Variants in EPSTI1 observed in about 807,000 individuals in gnomAD.
EPSTI1 encodes the protein epithelial-stromal interaction protein 1.
A neutral mutation model predicts 49.9 loss-of-function variants in EPSTI1; 66 were observed. The ratio of observed to expected loss-of-function variants is 1.32; its 90% CI spans 1.08 to 1.62. The LOEUF is 1.62. Ranked by LOEUF, EPSTI1 falls within the 40% of genes most tolerant of loss-of-function variation. The probability of loss-of-function intolerance (pLI) is 0.00; values close to 1 mark genes in which losing one functional copy is unlikely to be tolerated. For synonymous variants in EPSTI1, 137 were observed against 130.7 expected, an observed-to-expected ratio of 1.05 and a Z score of -0.33; for missense variants, 394 against 365.5, an observed-to-expected ratio of 1.08 and a Z score of -0.64.
chr13:42,972,760 G>T (rs2039796329), intron 1 of EPSTI1, among the ~76,000 whole-genome samples: 1 of 152,088 alleles, frequency 6.6e-6, no homozygotes, highest in Non-Finnish European at 1.5e-5. Context: ...CACTTTAACA[G>T]AACTTACACT....
intron 5 of EPSTI1, 92 bp downstream of exon 5, chr13:42,963,163 G>T: frequency 9.8e-7 from 1 of 1,020,720 alleles, no homozygotes; most frequent in Non-Finnish European, 1.5e-6. Context: ...GAGAAAGATG[G>T]ATAAATTTTT....
At chr13:42,947,798 C>T (rs1566145687) in intron 6 of EPSTI1, among the ~76,000 whole-genome samples, 1 of 152,196 alleles carries the variant, frequency 6.6e-6, no homozygotes, top group African/African-American at 2.4e-5. Flanking sequence ...GGCTTATCTC[C>T]TACTGTTTCT....
rs1423763804 is a variant in EPSTI1, at chr13:42,987,974, G to T, written c.188+4004C>A. ...ACGAAGTAGGCCACAAAAATGTTAA[G>T]ATTAACATAATTTACATACAAATTC... is the stretch of plus-strand genomic sequence containing the variant. On this transcript the variant is annotated intron_variant, in intron 1 of 10. Coordinates refer to ENST00000313624, the MANE Select transcript of EPSTI1 (RefSeq NM_033255.5). 2.6e-5 allele frequency among the ~76,000 whole-genome samples: 4 copies of T among 152,112 alleles called. No homozygotes were observed. In the East Asian group the frequency reaches 7.7e-4, roughly 29 times the overall value.
At chr13:42,968,992 CA>C in intron 3 of EPSTI1, 101 bp downstream of exon 3, 1 of 1,096,956 alleles carries the variant, frequency 9.1e-7, no homozygotes, top group Non-Finnish European at 1.3e-6. Context: ...AATGACCAAA[CA>C]AACTACAATG....
At chr13:42,941,662 A>G (rs532701541) in intron 6 of EPSTI1, among the ~76,000 whole-genome samples, 37 of 150,730 alleles carry the variant, frequency 2.5e-4, no homozygotes, top group African/African-American at 8.5e-4. Context: ...AACAGACTAT[A>G]ATTTCATATT....
chr13:42,987,233 G>A (rs564305376), intron 1 of EPSTI1, among the ~76,000 whole-genome samples: 139 of 152,144 alleles, frequency 9.1e-4, no homozygotes, highest in African/African-American at 3.3e-3. Flanking sequence ...TTGTGGGACT[G>A]AGCCCTTAAT....
At chr13:42,902,014 G>A (rs577110026) in intron 8 of EPSTI1, among the ~76,000 whole-genome samples, 10 of 150,518 alleles carry the variant, frequency 6.6e-5, no homozygotes, top group Admixed American at 2.7e-4. Flanking sequence ...GAGAATATGC[G>A]GTGTTTGGTT....
chr13:42,957,244 A>T (rs1217537226), intron 5 of EPSTI1, among the ~76,000 whole-genome samples: 1 of 152,232 alleles, frequency 6.6e-6, no homozygotes, highest in Non-Finnish European at 1.5e-5. Flanking sequence ...TTCAATTTTG[A>T]ATTTATTGGA....
intron 8 of EPSTI1, 64 bp from the exon 9 acceptor site, chr13:42,900,447 A>G (rs2037323800): frequency 1.4e-6 from 2 of 1,463,092 alleles, no homozygotes; most frequent in East Asian, 4.6e-5. Context: ...AAGATACCCA[A>G]ATCAATTACA....
At chr13:42,903,084 G>T (rs959796176) in intron 8 of EPSTI1, among the ~76,000 whole-genome samples, 1 of 151,922 alleles carries the variant, frequency 6.6e-6, no homozygotes, top group Non-Finnish European at 1.5e-5. Context: ...GCAACTTCTG[G>T]TATCTGGCCC....
chr13:42,890,549 C>T (rs931678855), intron 10 of EPSTI1, among the ~76,000 whole-genome samples: 1 of 152,118 alleles, frequency 6.6e-6, no homozygotes, highest in Non-Finnish European at 1.5e-5. Context: ...CCGCCCACCT[C>T]GGCCTCCCAA....
chr13:42,908,599 A>T (rs1056943114), intron 8 of EPSTI1, among the ~76,000 whole-genome samples: 2 of 152,120 alleles, frequency 1.3e-5, no homozygotes, highest in African/African-American at 4.8e-5. Context: ...AAGCAAAAAC[A>T]GACAAATGAG....
chr13:42,898,805 A>G (rs1402796349), intron 9 of EPSTI1, among the ~76,000 whole-genome samples: 2 of 152,262 alleles, frequency 1.3e-5, no homozygotes. Context: ...AAAGTCTTAC[A>G]ATTCAATTAA....
At chr13:42,902,516 T>C (rs2037389849) in intron 8 of EPSTI1, among the ~76,000 whole-genome samples, 2 of 152,220 alleles carry the variant, frequency 1.3e-5, no homozygotes, top group Admixed American at 1.3e-4. Context: ...TTTGCTCTTG[T>C]TGGCTTATGG....
At chr13:42,952,067 G>A (rs1032093253) in intron 6 of EPSTI1, among the ~76,000 whole-genome samples, 29 of 152,176 alleles carry the variant, frequency 1.9e-4, no homozygotes, top group South Asian at 8.3e-4. Flanking sequence ...ACCAATCAGC[G>A]CTCTGTGACT....
Position 42,966,766 on chromosome 13 carries a change from G to C in EPSTI1, c.331+2328C>G. On this transcript the variant is annotated intron_variant, in intron 3 of 10. Coordinates refer to ENST00000313624, the MANE Select transcript of EPSTI1 (RefSeq NM_033255.5). Reference sequence around the variant, plus strand: ...GGCGCCTCCGCCCGGCCACCACCCCGTCTGGGAGGTGTGCCCAACAGCTCA... The same window carrying C: ...GGCGCCTCCGCCCGGCCACCACCCCCTCTGGGAGGTGTGCCCAACAGCTCA... Among the ~76,000 whole-genome samples the C allele has an allele frequency of 2.2e-5, 2 of 89,780 alleles. 1 individual carries two copies. The highest frequency in any genetic ancestry group is 5.1e-5 in the Non-Finnish European group (2 of 39,378). The allele number at this position is 89,780 out of a possible 152,430, so 58.9% of individuals were successfully genotyped here. A position where few individuals can be genotyped will look rare whatever the true frequency, so the allele number is the denominator to read the frequency against.
chr13:42,939,132 A>T (rs1302649415), intron 6 of EPSTI1, among the ~76,000 whole-genome samples: 1 of 152,126 alleles, frequency 6.6e-6, no homozygotes, highest in Non-Finnish European at 1.5e-5. Context: ...CAGCTTTCAT[A>T]GAATTAAACA....
intron 6 of EPSTI1, 25 bp downstream of exon 6, chr13:42,953,923 C>G (rs376178969): frequency 6.3e-6 from 10 of 1,597,058 alleles, no homozygotes; most frequent in Non-Finnish European, 8.5e-6. Context: ...TATAAAGGCA[C>G]GAAGTTCTGA....
chr13:42,948,971 C>A (rs1391782912), intron 6 of EPSTI1, among the ~76,000 whole-genome samples: 1 of 152,110 alleles, frequency 6.6e-6, no homozygotes, highest in African/African-American at 2.4e-5. Context: ...ATTCTAAATG[C>A]CCCCTCCCTT....
Sources: allele counts gnomAD v4.1 joint callset (sites outside exome capture counted in the v4.1 genomes callset), GRCh38; gene constraint gnomAD v4.1.1; transcripts MANE v1.5; gene names NCBI Gene and HGNC (gene_info 2026-07-23, HGNC 2026-07-21).